Variants in SPOP observed in about 807,000 individuals in gnomAD.
SPOP encodes speckle type BTB/POZ protein, also known as speckle-type POZ protein.
In SPOP, 11 loss-of-function variants were observed where a neutral mutation model predicts 45.6. That is an observed-to-expected ratio of 0.24 (90% CI 0.15 to 0.40). SPOP has a LOEUF of 0.40. SPOP is among the 10% of genes least tolerant of loss of function. The pLI, the probability that SPOP is intolerant of heterozygous loss-of-function variation, is 1.00. For synonymous variants in SPOP, 166 were observed against 166.3 expected (o/e 1.00, Z 0.01); for missense variants, 152 against 465.6 (o/e 0.33, Z 6.20).
At position 49,657,153 on chromosome 17, in the gene SPOP, G is replaced by A. The variant is rs562236444; in HGVS notation, c.-67+20780C>T. ...TGAGCCGAGATTGCGCCGAGATTGC[G>A]CCACTGCACTCCAGCCTGGGCGACA... On this transcript the variant is annotated intron_variant, in intron 1 of 9. Transcript: ENST00000504102. 1.1e-3 allele frequency among the ~76,000 whole-genome samples: 161 copies of A among 151,156 alleles called. 5 individuals carry two copies. The South Asian group carries it at 0.032, about 30-fold the overall frequency.
chr17:49,616,152 C>T (rs1385345370), intron 5 of SPOP, among the ~76,000 whole-genome samples: 1 of 152,142 alleles, frequency 6.6e-6, no homozygotes, highest in Non-Finnish European at 1.5e-5. Context: ...AACAAGACCA[C>T]CCATTCATCA....
intron 5 of SPOP, among the ~76,000 whole-genome samples, chr17:49,617,461 T>C (rs2072111608): frequency 6.6e-6 from 1 of 152,210 alleles, no homozygotes; most frequent in Non-Finnish European, 1.5e-5. Context: ...AACTGCCACA[T>C]TTTATGTATT....
chr17:49,600,546 G>T lies in SPOP; in HGVS notation c.981-24C>A, dbSNP rs1254915493. On this transcript the variant is annotated intron_variant, in intron 9 of 9. Transcript: ENST00000504102. The surrounding 1 kb of genome is among the most constrained non-coding windows in gnomAD (Gnocchi z 4.2). ...GACTAGGAGAAATGTGGAGAAATGG[G>T]TTACCAAAGGGAGTGAGCAAGGGAT... 6.2e-7 allele frequency: 1 copy of T among 1,613,612 alleles called. No homozygotes were observed. The highest frequency in any genetic ancestry group is 8.5e-7 in the Non-Finnish European group (1 of 1,179,886).
At chr17:49,611,028 C>G (rs2071961971) in intron 6 of SPOP, among the ~76,000 whole-genome samples, 1 of 152,070 alleles carries the variant, frequency 6.6e-6, no homozygotes, top group Non-Finnish European at 1.5e-5. Flanking sequence ...CATTCAATAC[C>G]TTTGTACATC....
At chr17:49,601,704 C>A in intron 9 of SPOP, 161 bp downstream of exon 9, 1 of 853,526 alleles carries the variant, frequency 1.2e-6, no homozygotes, top group East Asian at 2.7e-5. Context: ...CCCATGAAGT[C>A]AATTCCATAC....
chr17:49,676,712 A>G (rs1347168595), intron 1 of SPOP, among the ~76,000 whole-genome samples: 3 of 152,170 alleles, frequency 2.0e-5, no homozygotes, highest in African/African-American at 7.2e-5. Flanking sequence ...ATCTTTTGCT[A>G]TTAAGATTTT....
intron 1 of SPOP, among the ~76,000 whole-genome samples, chr17:49,675,667 T>C (rs542456031): frequency 2.6e-5 from 4 of 152,304 alleles, no homozygotes; most frequent in Admixed American, 6.5e-5. Flanking sequence ...TCTAAAAGCA[T>C]TGCACGCCAT....
Position 49,643,577 on chromosome 17 carries a change from TAAG to T in SPOP, c.-66-20704_-66-20702del, listed in dbSNP as rs145560952. Among the ~76,000 whole-genome samples, 1,467 of 152,236 alleles carry T rather than the reference TAAG, an allele frequency of 9.6e-3. 14 individuals carry two copies. Among genetic ancestry groups the T allele is most frequent in the Middle Eastern group, 0.014 (4 of 294 alleles). ...ATCACACTGAACTTATAAAGTAATA[TAAG>T]AAGAACATGAACTGGATTGGAGATC... is the stretch of plus-strand genomic sequence containing the variant. On this transcript the variant is annotated intron_variant, in intron 1 of 9. Coordinates refer to ENST00000504102, the MANE Select transcript of SPOP (RefSeq NM_001007228.2).
chr17:49,608,841 CAG>C (rs1172223817), intron 6 of SPOP, among the ~76,000 whole-genome samples: 28 of 151,618 alleles, frequency 1.8e-4, no homozygotes, highest in African/African-American at 6.8e-4. Context: ...TTTGAGCTAA[CAG>C]AGAACTGGAA....
At chr17:49,624,993 A>G (rs1384442331) in intron 1 of SPOP, among the ~76,000 whole-genome samples, 1 of 152,216 alleles carries the variant, frequency 6.6e-6, no homozygotes, top group African/African-American at 2.4e-5. Context: ...TTAACAATAC[A>G]TGTGCTAGAG....
At position 49,678,020 on chromosome 17, in the gene SPOP, A is replaced by C; in HGVS notation, c.-154T>G. On this transcript the variant is annotated 5_prime_UTR_variant, in exon 1 of 10. Transcript: ENST00000504102. ...ACATCCGGGACCTGCGGGACCGCCG[A>C]TACACAAATACACACACACTCGGAG... is the stretch of plus-strand genomic sequence containing the variant. The C allele has an allele frequency of 2.5e-6, 1 of 399,000 alleles. No individual in the cohort carries two copies. Among genetic ancestry groups the C allele is most frequent in the Non-Finnish European group, 4.4e-6 (1 of 226,372 alleles). The allele number at this position is 399,000 out of a possible 1,614,324, so 24.7% of individuals were successfully genotyped here.
chr17:49,603,176 A>G (rs1349803373), intron 8 of SPOP, among the ~76,000 whole-genome samples: 1 of 152,236 alleles, frequency 6.6e-6, no homozygotes, highest in African/African-American at 2.4e-5. Context: ...CTCCTGCAGC[A>G]AAAAAGAGAG....
chr17:49,601,546 G>A, intron 9 of SPOP: 1 of 216,358 alleles, frequency 4.6e-6, no homozygotes, highest in East Asian at 1.1e-4. Flanking sequence ...TATCCTCCTA[G>A]AAATCTACAT....
At chr17:49,622,968 C>A in intron 1 of SPOP, 92 bp from the exon 2 acceptor site, 1 of 624,106 alleles carries the variant, frequency 1.6e-6, no homozygotes, top group Non-Finnish European at 2.7e-6. Flanking sequence ...GAAATTTTGT[C>A]TCCACATTGT....
At chr17:49,630,943 A>T (rs2072439963) in intron 1 of SPOP, among the ~76,000 whole-genome samples, 1 of 152,244 alleles carries the variant, frequency 6.6e-6, no homozygotes, top group Non-Finnish European at 1.5e-5. Context: ...TCAAGATAAA[A>T]ATGCAAATTA....
chr17:49,606,693 C>T (rs560652318), intron 8 of SPOP, among the ~76,000 whole-genome samples: 116 of 151,866 alleles, frequency 7.6e-4, no homozygotes, highest in African/African-American at 2.7e-3. Flanking sequence ...TGGGGTTTCG[C>T]CACGTTGCCC....
At chr17:49,615,647 G>C (rs2072070387) in intron 5 of SPOP, among the ~76,000 whole-genome samples, 1 of 152,124 alleles carries the variant, frequency 6.6e-6, no homozygotes. Flanking sequence ...AGGAGTAGCT[G>C]GGAACCACAG....
At chr17:49,601,631 T>G in intron 9 of SPOP, 1 of 444,144 alleles carries the variant, frequency 2.3e-6, no homozygotes, top group Non-Finnish European at 4.0e-6. Flanking sequence ...GGCCAGCAAG[T>G]TATTTTCATC....
intron 1 of SPOP, among the ~76,000 whole-genome samples, chr17:49,655,169 A>G (rs1230727585): frequency 1.3e-5 from 2 of 152,318 alleles, no homozygotes; most frequent in African/African-American, 4.8e-5. Context: ...TCAATTTTCC[A>G]TATTAAAGGA....
Sources: gnomAD v4.1 joint callset for allele counts (sites outside exome capture counted in the v4.1 genomes callset) on GRCh38, gnomAD v4.1.1 for gene constraint, Gnocchi (gnomAD v3.1) non-coding constraint, MANE v1.5 for transcripts, NCBI Gene and HGNC (gene_info 2026-07-23, HGNC 2026-07-21) for gene names.